Variants in OR14A2 observed in about 807,000 individuals in gnomAD.
OR14A2 encodes the protein olfactory receptor family 14 subfamily A member 2, also known as olfactory receptor 14A2.
For missense variants in OR14A2, 237 were observed against 152.9 expected, an observed-to-expected ratio of 1.55 and a Z score of -2.90; for synonymous variants, 114 against 58.6, an observed-to-expected ratio of 1.95 and a Z score of -4.32.
the OR14A2 span, among the ~76,000 whole-genome samples, chr1:247,736,039 G>A: frequency 6.6e-6 from 1 of 151,534 alleles, no homozygotes; most frequent in South Asian, 2.1e-4. Flanking sequence ...ACTCGAGAAT[G>A]GAAACATTTT....
the OR14A2 span, among the ~76,000 whole-genome samples, chr1:247,732,000 T>C: frequency 1.3e-5 from 2 of 152,208 alleles, no homozygotes; most frequent in East Asian, 3.8e-4. Context: ...TATTTCTACA[T>C]ATTAACAAGC....
chr1:247,727,503 A>G (rs1391046644), upstream of OR14A2, among the ~76,000 whole-genome samples: 2 of 152,028 alleles, frequency 1.3e-5, no homozygotes, highest in East Asian at 1.9e-4. Context: ...TAACATCACA[A>G]TTAAAAGAAC....
the OR14A2 span, among the ~76,000 whole-genome samples, chr1:247,742,267 T>TAC: frequency 2.6e-5 from 4 of 152,078 alleles, no homozygotes; most frequent in South Asian, 2.1e-4. Context: ...GTTGAGATAA[T>TAC]ACACACACAC....
chr1:247,742,122 G>A, the OR14A2 span, among the ~76,000 whole-genome samples: 1 of 152,112 alleles, frequency 6.6e-6, no homozygotes, highest in Admixed American at 6.5e-5. Context: ...AGTTTGTTAT[G>A]GGTTTATGGA....
chr1:247,733,551 TA>T, the OR14A2 span, among the ~76,000 whole-genome samples: 1 of 152,268 alleles, frequency 6.6e-6, no homozygotes, highest in African/African-American at 2.4e-5. Flanking sequence ...TCACTCTCCC[TA>T]TATAACAAAA....
chr1:247,747,455 A>G, the OR14A2 span, among the ~76,000 whole-genome samples: 7 of 147,876 alleles, frequency 4.7e-5, no homozygotes, highest in Non-Finnish European at 1.0e-4. Flanking sequence ...TCTGCCTCCC[A>G]GGTTCATGCG....
chr1:247,733,626 C>A, the OR14A2 span, among the ~76,000 whole-genome samples: 1 of 152,022 alleles, frequency 6.6e-6, no homozygotes, highest in African/African-American at 2.4e-5. Flanking sequence ...CTTTCTATTG[C>A]AATACTCTTT....
At chr1:247,730,129 T>A in the OR14A2 span, among the ~76,000 whole-genome samples, 1 of 152,114 alleles carries the variant, frequency 6.6e-6, no homozygotes, top group African/African-American at 2.4e-5. Flanking sequence ...TGAACATTTA[T>A]TAAATTACAG....
At chr1:247,729,304 A>G in the OR14A2 span, among the ~76,000 whole-genome samples, 1 of 152,138 alleles carries the variant, frequency 6.6e-6, no homozygotes, top group Admixed American at 6.6e-5. Flanking sequence ...ACTGTTAAGG[A>G]CATGACTCAG....
the OR14A2 span, among the ~76,000 whole-genome samples, chr1:247,737,630 C>T: frequency 6.6e-6 from 1 of 152,002 alleles, no homozygotes; most frequent in Non-Finnish European, 1.5e-5. Context: ...GTTTTCTGTT[C>T]TGTGTGTTTT....
chr1:247,730,596 TAC>T, the OR14A2 span, among the ~76,000 whole-genome samples: 1 of 152,092 alleles, frequency 6.6e-6, no homozygotes, highest in South Asian at 2.1e-4. Context: ...TGAGAAAATA[TAC>T]ATACTTAACT....
the OR14A2 span, among the ~76,000 whole-genome samples, chr1:247,729,247 G>A: frequency 3.3e-5 from 5 of 152,022 alleles, no homozygotes; most frequent in South Asian, 2.1e-4. Context: ...TTTTCTGTAG[G>A]GAGGAAACAA....
upstream of OR14A2, among the ~76,000 whole-genome samples, chr1:247,726,074 A>G (rs1454980661): frequency 6.5e-5 from 9 of 139,272 alleles, no homozygotes; most frequent in African/African-American, 2.7e-4. Flanking sequence ...GTCAAATGGT[A>G]TTTCCAGTTC....
At chr1:247,741,741 G>A in the OR14A2 span, among the ~76,000 whole-genome samples, 2 of 152,180 alleles carry the variant, frequency 1.3e-5, no homozygotes, top group African/African-American at 4.8e-5. Flanking sequence ...GAATCTATTG[G>A]TCATGTAGTT....
chr1:247,729,072 T>A, the OR14A2 span, among the ~76,000 whole-genome samples: 1 of 152,116 alleles, frequency 6.6e-6, no homozygotes, highest in East Asian at 1.9e-4. Context: ...TATTTCAAAT[T>A]TGACATAATT....
At chr1:247,747,196 G>A in the OR14A2 span, 3 of 152,134 alleles carry the variant, frequency 2.0e-5, no homozygotes, top group Non-Finnish European at 2.9e-5. Context: ...CCTTTCCATA[G>A]TAGTCCAAGG....
At chr1:247,739,594 G>A in the OR14A2 span, 1 of 735,094 alleles carries the variant, frequency 1.4e-6, no homozygotes, top group Non-Finnish European at 2.5e-6. Flanking sequence ...TTTTTTTGTT[G>A]TTGTTGTTCT....
upstream of OR14A2, among the ~76,000 whole-genome samples, chr1:247,725,458 C>T (rs1240575699): frequency 1.3e-5 from 2 of 149,656 alleles, no homozygotes; most frequent in Non-Finnish European, 3.0e-5. Flanking sequence ...TTTTTGTCTG[C>T]CCTAAATTTC....
At chr1:247,747,954 C>T in the OR14A2 span, among the ~76,000 whole-genome samples, 1 of 152,114 alleles carries the variant, frequency 6.6e-6, no homozygotes, top group African/African-American at 2.4e-5. Context: ...CTTCTATACT[C>T]ACTGTAAGGC....
Sources: allele counts gnomAD v4.1 joint callset (sites outside exome capture counted in the v4.1 genomes callset), GRCh38; gene constraint gnomAD v4.1.1; transcripts MANE v1.5; gene names NCBI Gene and HGNC (gene_info 2026-07-23, HGNC 2026-07-21).